The following MYO6 variants were observed in gnomAD, a reference collection of about 807,000 sequenced individuals.
MYO6 encodes unconventional myosin-VI.
MYO6 carries 74 observed loss-of-function variants against 178.7 expected under a neutral mutation model. That is an observed-to-expected ratio of 0.41 (90% CI 0.34 to 0.50). The LOEUF is 0.50. Among genes scored for constraint, MYO6 ranks in the 20% least tolerant of loss-of-function variants. MYO6 has a pLI of 0.09. For missense variants in MYO6, 1,330 were observed against 1,547.4 expected, an observed-to-expected ratio of 0.86 and a Z score of 2.36; for synonymous variants, 477 against 504.6, an observed-to-expected ratio of 0.95 and a Z score of 0.73.
Position 75,779,056 on chromosome 6 carries a change from C to CAA in MYO6, c.-48+29658_-48+29659dup, listed in dbSNP as rs142469441. 1.7e-3 allele frequency among the ~76,000 whole-genome samples: 111 copies of CAA among 64,548 alleles called. 2 individuals are homozygous for CAA. The highest frequency in any genetic ancestry group is 2.8e-3 in the Non-Finnish European group (97 of 34,216). The allele number at this position is 64,548 out of a possible 152,430, so 42.3% of individuals were successfully genotyped here. A position where few individuals can be genotyped will look rare whatever the true frequency, so the allele number is the denominator to read the frequency against. ...TGGATGACAGAGTGAGACTTTGTCT[C>CAA]AAAAAAAAAAAAAAAAAAAAAAAAA... On this transcript the variant is annotated intron_variant, in intron 1 of 34. Coordinates refer to ENST00000369977, the MANE Select transcript of MYO6 (RefSeq NM_004999.4).
At chr6:75,884,061 C>T (rs1367592677) in intron 23 of MYO6, among the ~76,000 whole-genome samples, 1 of 152,156 alleles carries the variant, frequency 6.6e-6, no homozygotes, top group Non-Finnish European at 1.5e-5. Context: ...TTCAGCTTTA[C>T]ACATTGCATT....
intron 4 of MYO6, among the ~76,000 whole-genome samples, chr6:75,829,772 A>G (rs1246890200): frequency 1.3e-5 from 2 of 152,160 alleles, no homozygotes; most frequent in African/African-American, 4.8e-5. Context: ...TAAATTCCAA[A>G]ATTAAAAGCA....
intron 23 of MYO6, among the ~76,000 whole-genome samples, chr6:75,884,984 G>T (rs1457203762): frequency 6.6e-6 from 1 of 152,188 alleles, no homozygotes; most frequent in Non-Finnish European, 1.5e-5. Context: ...GGTTCCCCAG[G>T]CAAGAAGGGG....
intron 1 of MYO6, among the ~76,000 whole-genome samples, chr6:75,802,580 G>T (rs184909561): frequency 6.6e-6 from 1 of 150,716 alleles, no homozygotes; most frequent in East Asian, 2.0e-4. Context: ...ATCCCAGGCT[G>T]AAGTGATCCT....
rs527432692 is a variant in MYO6, at chr6:75,830,551, T to A, written c.391+6T>A. ...ACCTCATGTCTTTGCAATTGGTAAG[T>A]GATTTTAAATGTATTTTAATTCTTG... On this transcript the variant is annotated splice_donor_region_variant and intron_variant, in intron 5 of 34. Coordinates refer to ENST00000369977, the MANE Select transcript of MYO6 (RefSeq NM_004999.4). The A allele has an allele frequency of 6.2e-7, 1 of 1,608,838 alleles. No homozygotes were observed. Among genetic ancestry groups the A allele is most frequent in the African/African-American group, 1.3e-5 (1 of 74,874 alleles).
At chr6:75,889,989 G>A in intron 25 of MYO6, 68 bp from the exon 26 acceptor site, 1 of 1,062,288 alleles carries the variant, frequency 9.4e-7, no homozygotes, top group Non-Finnish European at 1.4e-6. Flanking sequence ...GTATTGTTAA[G>A]TATATTCACA....
chr6:75,839,259 G>A lies in MYO6; in HGVS notation c.554-1326G>A, dbSNP rs552445809. Among the ~76,000 whole-genome samples the A allele has an allele frequency of 5.3e-5, 8 of 152,066 alleles. No individual in the cohort carries two copies. The South Asian group carries it at 1.7e-3, about 32-fold the overall frequency. Reference sequence around the variant, plus strand: ...GCTGGAGTGCAGTGGCGCGATCTCGGCTCGCTGCAAGCTCTGCCTCCGGGG... The same window carrying A: ...GCTGGAGTGCAGTGGCGCGATCTCGACTCGCTGCAAGCTCTGCCTCCGGGG... On this transcript the variant is annotated intron_variant, in intron 7 of 34. Coordinates refer to ENST00000369977, the MANE Select transcript of MYO6 (RefSeq NM_004999.4).
intron 5 of MYO6, among the ~76,000 whole-genome samples, chr6:75,831,551 G>T (rs1773075697): frequency 2.0e-5 from 3 of 152,178 alleles, no homozygotes. Flanking sequence ...AAATAAACTA[G>T]CTTTTATTTT....
At chr6:75,895,835 A>G (rs1353809024) in intron 29 of MYO6, among the ~76,000 whole-genome samples, 2 of 152,010 alleles carry the variant, frequency 1.3e-5, no homozygotes, top group East Asian at 3.9e-4. Flanking sequence ...TATTTTTTTT[A>G]AACTGCCCCT....
rs182473269 is a variant in MYO6, at chr6:75,913,244, A to G, written c.3440-819A>G. On this transcript the variant is annotated intron_variant, in intron 33 of 34. Transcript: ENST00000369977. ...AGGGAAATGTTTACATTTGCAGATA[A>G]AAGAAAAACCTAATTGTTAAGTAAT... 2.0e-5 allele frequency among the ~76,000 whole-genome samples: 3 copies of G among 152,302 alleles called. No individual in the cohort carries two copies. In the East Asian group the frequency reaches 5.8e-4, roughly 29 times the overall value.
chr6:75,886,635 G>A (rs1778458315), intron 24 of MYO6, among the ~76,000 whole-genome samples: 1 of 152,182 alleles, frequency 6.6e-6, no homozygotes, highest in South Asian at 2.1e-4. Flanking sequence ...TCTCAAAGTT[G>A]TAGAAGGCTT....
intron 29 of MYO6, among the ~76,000 whole-genome samples, chr6:75,895,961 T>C (rs1779269512): frequency 6.6e-6 from 1 of 152,180 alleles, no homozygotes; most frequent in African/African-American, 2.4e-5. Flanking sequence ...CATCTGAAAT[T>C]GTATATGTAG....
chr6:75,910,948 CGT>C (rs1780714737), intron 32 of MYO6, among the ~76,000 whole-genome samples: 1 of 151,994 alleles, frequency 6.6e-6, no homozygotes, highest in South Asian at 2.1e-4. Flanking sequence ...AATGTAGCTT[CGT>C]ATTGTTGACT....
intron 1 of MYO6, among the ~76,000 whole-genome samples, chr6:75,813,648 C>T (rs1447804376): frequency 6.6e-6 from 1 of 152,204 alleles, no homozygotes; most frequent in Non-Finnish European, 1.5e-5. Flanking sequence ...CTGGGTCATA[C>T]CTGAAGCCAG....
At chr6:75,806,931 T>G (rs1770159388) in intron 1 of MYO6, among the ~76,000 whole-genome samples, 1 of 152,184 alleles carries the variant, frequency 6.6e-6, no homozygotes, top group Non-Finnish European at 1.5e-5. Flanking sequence ...TGTGTGTGTC[T>G]TTAATTCCTC....
intron 22 of MYO6, 68 bp from the exon 23 acceptor site, chr6:75,881,621 C>T: frequency 2.0e-6 from 3 of 1,485,886 alleles, no homozygotes; most frequent in Non-Finnish European, 2.8e-6. Context: ...ATTCTGTTTA[C>T]ATCATGTCTT....
At chr6:75,881,205 G>T (rs1777994363) in intron 22 of MYO6, among the ~76,000 whole-genome samples, 1 of 152,136 alleles carries the variant, frequency 6.6e-6, no homozygotes, top group African/African-American at 2.4e-5. Context: ...AGTGAACCAA[G>T]ATTGCGCCAC....
intron 15 of MYO6, 147 bp from the exon 16 acceptor site, chr6:75,862,449 C>G (rs1776282417): frequency 1.4e-6 from 1 of 736,304 alleles, no homozygotes; most frequent in Admixed American, 2.2e-5. Context: ...TCCGTCAGCT[C>G]TCTATAACTT....
At chr6:75,886,120 A>G in intron 24 of MYO6, 26 bp downstream of exon 24, 4 of 1,456,186 alleles carry the variant, frequency 2.7e-6, no homozygotes, top group Non-Finnish European at 3.9e-6. Flanking sequence ...CCTAAAAAGA[A>G]CTCTACAAAA....
Sources: gnomAD v4.1 joint callset for allele counts (sites outside exome capture counted in the v4.1 genomes callset) on GRCh38, gnomAD v4.1.1 for gene constraint, MANE v1.5 for transcripts, NCBI Gene and HGNC (gene_info 2026-07-23, HGNC 2026-07-21) for gene names.